FTO: variants seen among roughly 807,000 people sequenced by gnomAD.
FTO encodes the protein alpha-ketoglutarate-dependent dioxygenase FTO.
A neutral mutation model predicts 63.9 loss-of-function variants in FTO; 47 were observed. That is an observed-to-expected ratio of 0.74 (90% CI 0.58 to 0.94). The LOEUF (loss-of-function observed/expected upper bound fraction) is 0.94. FTO is among the 40% of genes least tolerant of loss of function. The pLI is 0.00. For missense variants in FTO, 562 were observed against 618.1 expected, an observed-to-expected ratio of 0.91 and a Z score of 0.96; for synonymous variants, 207 against 224.4, an observed-to-expected ratio of 0.92 and a Z score of 0.69.
At chr16:54,048,382 A>G (rs6499675) in intron 8 of FTO, among the ~76,000 whole-genome samples, 68,377 of 151,586 alleles carry the variant, frequency 0.45, 18,307 homozygotes, top group African/African-American at 0.74. Flanking sequence ...CCAGCAGGGA[A>G]GCTGTAATCA....
At chr16:53,745,253 C>T (rs1055752716) in intron 1 of FTO, among the ~76,000 whole-genome samples, 7 of 152,176 alleles carry the variant, frequency 4.6e-5, no homozygotes, top group African/African-American at 7.2e-5. Flanking sequence ...TTTTATAGGG[C>T]GGCTCTAAGG....
chr16:54,062,827 G>C (rs1458953777), intron 8 of FTO, among the ~76,000 whole-genome samples: 2 of 152,182 alleles, frequency 1.3e-5, no homozygotes, highest in Non-Finnish European at 2.9e-5. Context: ...AAAGTGGCTG[G>C]GGATCAGGCT....
At chr16:53,931,389 C>T (rs2082280461) in intron 7 of FTO, among the ~76,000 whole-genome samples, 1 of 150,854 alleles carries the variant, frequency 6.6e-6, no homozygotes, top group African/African-American at 2.4e-5. Context: ...TCACTGCAAC[C>T]TCCGCCTCCT....
intron 8 of FTO, among the ~76,000 whole-genome samples, chr16:53,967,869 T>C (rs763013436): frequency 6.6e-6 from 1 of 152,250 alleles, no homozygotes; most frequent in Non-Finnish European, 1.5e-5. Context: ...GTTGTGCTTG[T>C]GTGTACATCT....
chr16:54,099,963 G>T (rs1225888614), intron 8 of FTO, among the ~76,000 whole-genome samples: 3 of 152,108 alleles, frequency 2.0e-5, no homozygotes, highest in African/African-American at 7.2e-5. Context: ...CTCCCCCACC[G>T]CAACCCACCT....
chr16:54,069,261 G>A (rs1179147496), intron 8 of FTO, among the ~76,000 whole-genome samples: 1 of 152,124 alleles, frequency 6.6e-6, no homozygotes, highest in African/African-American at 2.4e-5. Context: ...TCAGCCAGCT[G>A]GGGCCGTCTG....
At chr16:53,917,496 G>T (rs2081898381) in intron 7 of FTO, among the ~76,000 whole-genome samples, 1 of 152,142 alleles carries the variant, frequency 6.6e-6, no homozygotes. Flanking sequence ...AAGTGATTAG[G>T]ACAGGGCTTG....
At chr16:54,012,034 G>A (rs970243166) in intron 8 of FTO, among the ~76,000 whole-genome samples, 1 of 152,182 alleles carries the variant, frequency 6.6e-6, no homozygotes, top group Non-Finnish European at 1.5e-5. Context: ...TAATTCAAAA[G>A]CTAGAAATGA....
Position 53,826,352 on chromosome 16 carries a change from G to T in FTO, c.612G>T (p.Leu204=). ...KSRAAYNVTL[L]NFMDPQKMPY... Reference sequence around the variant, plus strand: ...GAGCAGCATACAACGTAACTTTGCTGAATTTCATGGATCCTCAGAAAATGC... The same window carrying T: ...GAGCAGCATACAACGTAACTTTGCTTAATTTCATGGATCCTCAGAAAATGC... The change falls in exon 3 of 9, where the codon CTG becomes CTT. Residue 204 remains leucine, a synonymous_variant. Transcript: ENST00000471389. 6.2e-7 allele frequency: 1 copy of T among 1,614,200 alleles called. No individual in the cohort carries two copies. Among genetic ancestry groups the T allele is most frequent in the Admixed American group, 1.7e-5 (1 of 60,024 alleles).
chr16:53,959,064 G>A (rs1015252599), intron 8 of FTO, among the ~76,000 whole-genome samples: 4 of 152,204 alleles, frequency 2.6e-5, no homozygotes, highest in African/African-American at 4.8e-5. Flanking sequence ...GTGCCTCTCT[G>A]TGCCAAGTAC....
chr16:53,895,473 G>T (rs932488035), intron 7 of FTO, among the ~76,000 whole-genome samples: 1 of 152,144 alleles, frequency 6.6e-6, no homozygotes, highest in Non-Finnish European at 1.5e-5. Context: ...ATAGTGTTCA[G>T]GGTAAATACT....
chr16:54,112,079 A>AC lies in FTO; in HGVS notation c.*164_*165insC. ...GGAAATGGTGCCCATGAAGTTTTAA[A>AC]TGTTTTAAAATGACCCTGTGTTATA... On this transcript the variant is annotated 3_prime_UTR_variant, in exon 9 of 9. Coordinates refer to ENST00000471389, the MANE Select transcript of FTO (RefSeq NM_001080432.3). 1 of 705,728 alleles carries AC rather than the reference A, an allele frequency of 1.4e-6. No individual in the cohort carries two copies. The highest frequency in any genetic ancestry group is 2.5e-6 in the Non-Finnish European group (1 of 407,694). The allele number at this position is 705,728 out of a possible 1,614,324, so 43.7% of individuals were successfully genotyped here.
chr16:53,998,258 C>T (rs2143968902), intron 8 of FTO: 1 of 152,324 alleles, frequency 6.6e-6, no homozygotes, highest in South Asian at 2.1e-4. Flanking sequence ...CAAACAAAAA[C>T]CAGTTGAAGA....
At chr16:53,884,646 A>T (rs2080950299) in intron 6 of FTO, among the ~76,000 whole-genome samples, 1 of 152,210 alleles carries the variant, frequency 6.6e-6, no homozygotes, top group Non-Finnish European at 1.5e-5. Context: ...GGAATGATGG[A>T]TATGATTTAC....
intron 8 of FTO, among the ~76,000 whole-genome samples, chr16:53,980,592 G>A (rs1410294019): frequency 2.0e-5 from 3 of 152,184 alleles, no homozygotes; most frequent in Admixed American, 6.5e-5. Context: ...ACTTACAGAA[G>A]CACCTCTCCT....
intron 8 of FTO, chr16:54,070,528 C>A (rs937948646): frequency 2.0e-5 from 3 of 152,100 alleles, no homozygotes; most frequent in Non-Finnish European, 4.4e-5. Context: ...TACTGGAAAC[C>A]TATCAGGAAT....
chr16:53,812,597 A>G (rs150452326), intron 2 of FTO, among the ~76,000 whole-genome samples: 9 of 152,272 alleles, frequency 5.9e-5, no homozygotes, highest in Non-Finnish European at 1.0e-4. Context: ...GGTACCTATC[A>G]GGTGCTGAAT....
intron 1 of FTO, among the ~76,000 whole-genome samples, chr16:53,730,557 C>T (rs753915953): frequency 3.3e-5 from 5 of 151,790 alleles, no homozygotes; most frequent in Admixed American, 1.3e-4. Flanking sequence ...TGCAGTGGCA[C>T]GATCATGGCT....
intron 4 of FTO, among the ~76,000 whole-genome samples, chr16:53,853,470 C>A (rs1340499614): frequency 2.0e-5 from 3 of 151,912 alleles, no homozygotes; most frequent in Non-Finnish European, 2.9e-5. Context: ...CATCACCCCC[C>A]TCCCATCCTC....
Sources: gnomAD v4.1 joint callset for allele counts (sites outside exome capture counted in the v4.1 genomes callset) on GRCh38, gnomAD v4.1.1 for gene constraint, MANE v1.5 for transcripts, NCBI Gene and HGNC (gene_info 2026-07-23, HGNC 2026-07-21) for gene names.